The following COMMD10 variants were observed in gnomAD, a reference collection of about 807,000 sequenced individuals.
COMMD10 encodes COMM domain-containing protein 10.
COMMD10 carries 33 observed loss-of-function variants against 28.9 expected under a neutral mutation model. That is an observed-to-expected ratio of 1.14 (90% CI 0.87 to 1.53). The LOEUF (loss-of-function observed/expected upper bound fraction) is 1.53. COMMD10 is among the 40% of genes most tolerant of loss of function. The pLI, the probability that COMMD10 is intolerant of heterozygous loss-of-function variation, is 0.00. For synonymous variants in COMMD10, 110 were observed against 81.7 expected, an observed-to-expected ratio of 1.35 and a Z score of -1.87; for missense variants, 310 against 233.4, an observed-to-expected ratio of 1.33 and a Z score of -2.14.
intron 4 of COMMD10, among the ~76,000 whole-genome samples, chr5:116,108,392 C>T (rs564936324): frequency 2.5e-4 from 38 of 152,172 alleles, no homozygotes; most frequent in African/African-American, 8.9e-4. Context: ...GGAATCTAGA[C>T]TGGCAGTCTG....
chr5:116,153,859 A>T (rs1049678944), intron 5 of COMMD10, among the ~76,000 whole-genome samples: 4 of 152,124 alleles, frequency 2.6e-5, no homozygotes, highest in Non-Finnish European at 5.9e-5. Flanking sequence ...GAGTGAGAGA[A>T]TGACCTTGAT....
intron 5 of COMMD10, among the ~76,000 whole-genome samples, chr5:116,237,325 T>C (rs1322256553): frequency 1.3e-5 from 2 of 152,074 alleles, no homozygotes; most frequent in Non-Finnish European, 1.5e-5. Flanking sequence ...GTGACAGAGA[T>C]GGGAAGTGTT....
At chr5:116,175,126 C>A (rs1297665086) in intron 5 of COMMD10, among the ~76,000 whole-genome samples, 1 of 152,056 alleles carries the variant, frequency 6.6e-6, no homozygotes, top group Non-Finnish European at 1.5e-5. Flanking sequence ...ACATTTAAAA[C>A]ACTCCCGCAT....
chr5:116,267,852 G>T (rs1329270340), intron 5 of COMMD10, among the ~76,000 whole-genome samples: 1 of 151,838 alleles, frequency 6.6e-6, no homozygotes, highest in African/African-American at 2.4e-5. Context: ...ATGGGGAAAG[G>T]ATTCCCTATT....
chr5:116,161,161 C>A (rs1020267513), intron 5 of COMMD10, among the ~76,000 whole-genome samples: 3 of 152,038 alleles, frequency 2.0e-5, no homozygotes, highest in African/African-American at 7.2e-5. Flanking sequence ...ATCTAAATGT[C>A]TGAAAACTAC....
At chr5:116,212,296 T>C (rs1024643281) in intron 5 of COMMD10, among the ~76,000 whole-genome samples, 4 of 152,150 alleles carry the variant, frequency 2.6e-5, no homozygotes, top group Non-Finnish European at 4.4e-5. Context: ...CCTGAAGTTA[T>C]AAAAGTAGAA....
At chr5:116,279,759 T>G (rs1307484006) in intron 5 of COMMD10, among the ~76,000 whole-genome samples, 2 of 151,868 alleles carry the variant, frequency 1.3e-5, no homozygotes, top group African/African-American at 4.9e-5. Context: ...GTTGGTCTAA[T>G]TGGTGTAACA....
chr5:116,214,929 C>A (rs1357029472), intron 5 of COMMD10, among the ~76,000 whole-genome samples: 1 of 152,004 alleles, frequency 6.6e-6, no homozygotes, highest in East Asian at 1.9e-4. Flanking sequence ...CTTTCATTCC[C>A]ACTTATTAGT....
chr5:116,182,420 T>A (rs1027745567), intron 5 of COMMD10, among the ~76,000 whole-genome samples: 4 of 151,720 alleles, frequency 2.6e-5, no homozygotes, highest in African/African-American at 9.7e-5. Context: ...GGGGGGTGGG[T>A]GTCAGTGAGC....
intron 4 of COMMD10, among the ~76,000 whole-genome samples, chr5:116,121,305 A>G (rs1751426777): frequency 6.6e-6 from 1 of 152,232 alleles, no homozygotes; most frequent in South Asian, 2.1e-4. Flanking sequence ...TGCAAAGGAC[A>G]TGAACTAATC....
At chr5:116,113,339 A>G in intron 4 of COMMD10, among the ~76,000 whole-genome samples, 1 of 131,412 alleles carries the variant, frequency 7.6e-6, no homozygotes, top group East Asian at 2.0e-4. Context: ...TCCTGTATCT[A>G]TTATGTCTGT....
chr5:116,149,931 C>T (rs1425570437), intron 5 of COMMD10, among the ~76,000 whole-genome samples: 3 of 151,818 alleles, frequency 2.0e-5, no homozygotes, highest in Non-Finnish European at 4.4e-5. Context: ...AGTCGTTGCC[C>T]ATGCCTATGT....
chr5:116,087,497 C>T lies in COMMD10; in HGVS notation c.42C>T (p.Ser14=), dbSNP rs768749495. ...AACTCTGTTTTATAATTTTGTTTAG[C>T]ATGAAGAAAGCAGTGTCACTGATAA... The part of the protein sequence containing the change: ...PAALILRESP[S]MKKAVSLINA... Residue 14 remains serine (S), a splice_region_variant and synonymous_variant, in exon 2 of 7, where the codon AGC becomes AGT. Coordinates refer to ENST00000274458, the MANE Select transcript of COMMD10 (RefSeq NM_016144.4). The T allele has an allele frequency of 6.3e-7, 1 of 1,591,200 alleles. No homozygotes were observed. Among genetic ancestry groups the T allele is most frequent in the Non-Finnish European group, 8.6e-7 (1 of 1,159,160 alleles).
intron 5 of COMMD10, among the ~76,000 whole-genome samples, chr5:116,142,207 C>T (rs142959301): frequency 6.6e-6 from 1 of 151,876 alleles, no homozygotes; most frequent in Admixed American, 6.6e-5. Flanking sequence ...TGTAACAAAT[C>T]ATTTTTTATA....
intron 4 of COMMD10, among the ~76,000 whole-genome samples, chr5:116,109,903 C>T (rs1750986425): frequency 6.6e-6 from 1 of 152,192 alleles, no homozygotes. Flanking sequence ...ACTTCCAGTA[C>T]TATGTTAAAT....
At chr5:116,218,224 T>A in intron 5 of COMMD10, 1 of 759,406 alleles carries the variant, frequency 1.3e-6, no homozygotes, top group Non-Finnish European at 2.4e-6. Context: ...ACCTTGCAGA[T>A]CTTCTCTGTG....
At chr5:116,226,376 C>T (rs17139193) in intron 5 of COMMD10, among the ~76,000 whole-genome samples, 15,813 of 149,648 alleles carry the variant, frequency 0.11, 941 homozygotes, top group African/African-American at 0.15. Flanking sequence ...CACCTCAACT[C>T]TTCCAAATTT....
At chr5:116,256,439 G>A (rs979332545) in intron 5 of COMMD10, among the ~76,000 whole-genome samples, 3 of 151,674 alleles carry the variant, frequency 2.0e-5, no homozygotes, top group African/African-American at 7.3e-5. Flanking sequence ...TTTGGGTGCT[G>A]TAGAAATTAC....
At chr5:116,194,347 CA>C (rs1234353017) in intron 5 of COMMD10, among the ~76,000 whole-genome samples, 1 of 151,630 alleles carries the variant, frequency 6.6e-6, no homozygotes, top group Non-Finnish European at 1.5e-5. Context: ...GAAATGGAAA[CA>C]AAAACAATGA....
Sources: allele counts gnomAD v4.1 joint callset (sites outside exome capture counted in the v4.1 genomes callset), GRCh38; gene constraint gnomAD v4.1.1; transcripts MANE v1.5; gene names NCBI Gene and HGNC (gene_info 2026-07-23, HGNC 2026-07-21).